The following ALDH8A1 variants were observed in gnomAD, a reference collection of about 807,000 sequenced individuals.
The protein encoded by ALDH8A1 is 2-aminomuconic semialdehyde dehydrogenase.
A neutral mutation model predicts 43.3 loss-of-function variants in ALDH8A1; 39 were observed. The observed-to-expected ratio is 0.90, with a 90% CI of 0.70 to 1.18. ALDH8A1 has a LOEUF of 1.18. Among genes scored for constraint, ALDH8A1 ranks in the 50% most tolerant of loss-of-function variants. The pLI, the probability that ALDH8A1 is intolerant of heterozygous loss-of-function variation, is 0.00. For missense variants in ALDH8A1, 605 were observed against 622.6 expected, an observed-to-expected ratio of 0.97 and a Z score of 0.30; for synonymous variants, 233 against 243.5, an observed-to-expected ratio of 0.96 and a Z score of 0.40.
Position 134,943,812 on chromosome 6 carries a change from C to T in ALDH8A1, c.286+7G>A. 6.2e-7 allele frequency: 1 copy of T among 1,613,700 alleles called. No homozygotes were observed. The highest frequency in any genetic ancestry group is 8.5e-7 in the Non-Finnish European group (1 of 1,179,820). ...GTCCCATGTTACAGTTAAGAGGCAA[C>T]TCTCACCTTGGTCTTTAGACTCGGC... On this transcript the variant is annotated splice_region_variant and intron_variant, in intron 2 of 6. Coordinates refer to ENST00000265605, the MANE Select transcript of ALDH8A1 (RefSeq NM_022568.4).
Position 134,918,587 on chromosome 6 carries a change from ACG to A in ALDH8A1, c.1290_1291del (p.Val431ProfsTer5). ...CTGCAGCTTCTTAGCCACCCGGTGGACGCGCCCCACATTGCTGGACCACACGG... is the reference window on the plus strand; with the variant it reads ...CTGCAGCTTCTTAGCCACCCGGTGGACGCCCCACATTGCTGGACCACACGG... On this transcript the variant is annotated frameshift_variant, in exon 7 of 7. Coordinates refer to ENST00000265605, the MANE Select transcript of ALDH8A1 (RefSeq NM_022568.4). LOFTEE classifies it high-confidence loss of function. 1 of 1,614,084 alleles carries A rather than the reference ACG, an allele frequency of 6.2e-7. No homozygotes were observed. The highest frequency in any genetic ancestry group is 8.5e-7 in the Non-Finnish European group (1 of 1,180,018).
intron 3 of ALDH8A1, among the ~76,000 whole-genome samples, chr6:134,940,552 T>C (rs1295600123): frequency 6.6e-6 from 1 of 152,192 alleles, no homozygotes; most frequent in Non-Finnish European, 1.5e-5. Flanking sequence ...TTTGGCTATT[T>C]AGAATATTTT....
At chr6:134,934,983 T>TC (rs1237109906) in intron 4 of ALDH8A1, among the ~76,000 whole-genome samples, 1 of 152,166 alleles carries the variant, frequency 6.6e-6, no homozygotes, top group Non-Finnish European at 1.5e-5. Flanking sequence ...TCATAAATAT[T>TC]CATGACTCCT....
intron 3 of ALDH8A1, among the ~76,000 whole-genome samples, chr6:134,940,598 C>T (rs1032432482): frequency 1.3e-5 from 2 of 152,136 alleles, no homozygotes; most frequent in Admixed American, 6.5e-5. Context: ...CACTTGTATC[C>T]TGACCAGATA....
At chr6:134,945,278 G>A (rs749543336) in intron 1 of ALDH8A1, among the ~76,000 whole-genome samples, 1 of 152,102 alleles carries the variant, frequency 6.6e-6, no homozygotes, top group Non-Finnish European at 1.5e-5. Context: ...CTAATAAGTG[G>A]CAGAATCAGG....
Position 134,950,067 on chromosome 6 carries a change from T to C in ALDH8A1, c.-14A>G. On this transcript the variant is annotated 5_prime_UTR_variant, in exon 1 of 7. Coordinates refer to ENST00000265605, the MANE Select transcript of ALDH8A1 (RefSeq NM_022568.4). Reference sequence around the variant, plus strand: ...TGTTCCAGCCATAGCAAGGAAAAATTCTGCCTTTCCTCTTTACGACTGAGC... The same window carrying C: ...TGTTCCAGCCATAGCAAGGAAAAATCCTGCCTTTCCTCTTTACGACTGAGC... 6.2e-7 allele frequency: 1 copy of C among 1,606,008 alleles called. No homozygotes were observed. Among genetic ancestry groups the C allele is most frequent in the Non-Finnish European group, 8.5e-7 (1 of 1,176,086 alleles).
At chr6:134,933,906 A>G (rs1773676861) in intron 4 of ALDH8A1, among the ~76,000 whole-genome samples, 1 of 152,050 alleles carries the variant, frequency 6.6e-6, no homozygotes, top group South Asian at 2.1e-4. Flanking sequence ...AGGGGATTTC[A>G]TCATGTTGGC....
At chr6:134,925,876 A>C (rs1776874136) in intron 6 of ALDH8A1, among the ~76,000 whole-genome samples, 1 of 152,222 alleles carries the variant, frequency 6.6e-6, no homozygotes, top group Non-Finnish European at 1.5e-5. Flanking sequence ...CCATGCGTGC[A>C]TCTGAAGGAA....
In ALDH8A1 at chr6:134,943,874, C is replaced by T. The variant is rs568113669; in HGVS notation, c.231G>A (p.Ala77=). ...CCTCCAGGGACTGCTCCAGCAAATC[C>T]GCCACCTGGTTCAGGACCCGTGAGC... ...QERSRVLNQV[A]DLLEQSLEEF... is the part of the protein sequence containing the mutation. Residue 77 remains alanine (A), a synonymous_variant, in exon 2 of 7, where the codon GCG becomes GCA. Coordinates refer to ENST00000265605, the MANE Select transcript of ALDH8A1 (RefSeq NM_022568.4). 83 of 1,614,094 alleles carry T rather than the reference C, an allele frequency of 5.1e-5. No homozygotes were observed. The highest frequency in any genetic ancestry group is 1.6e-4 in the Middle Eastern group (1 of 6,084).
At chr6:134,921,408 T>C (rs987455396) in intron 6 of ALDH8A1, among the ~76,000 whole-genome samples, 1 of 151,990 alleles carries the variant, frequency 6.6e-6, no homozygotes, top group Non-Finnish European at 1.5e-5. Context: ...ACTCAGCAGG[T>C]AGAAAGAAAA....
chr6:134,940,531 G>C (rs774589804), intron 3 of ALDH8A1, among the ~76,000 whole-genome samples: 2 of 152,168 alleles, frequency 1.3e-5, no homozygotes, highest in Non-Finnish European at 2.9e-5. Flanking sequence ...TGCATGGACT[G>C]TGACATCCAT....
intron 6 of ALDH8A1, among the ~76,000 whole-genome samples, chr6:134,923,194 AT>A (rs1395132920): frequency 1.3e-5 from 2 of 152,022 alleles, no homozygotes; most frequent in Non-Finnish European, 2.9e-5. Flanking sequence ...GCCTGGCTAA[AT>A]TTTTTTGTAT....
intron 2 of ALDH8A1, 122 bp from the exon 3 acceptor site, chr6:134,942,686 G>T: frequency 1.0e-6 from 1 of 964,756 alleles, no homozygotes; most frequent in Non-Finnish European, 1.5e-6. Flanking sequence ...GCCCGGGGCA[G>T]GCATTCCTTG....
In ALDH8A1 at chr6:134,918,765, A is replaced by G; in HGVS notation, c.1114T>C (p.Phe372Leu). The stretch of plus-strand genomic sequence containing the variant: ...TCTGTTATCACCGTGGGAAGCATAA[A>G]GTAGCCTGCCTGGTTCCTGGCAGGG... ...SLPARNQAGY[F>L]MLPTVITDIK... The change falls in exon 7 of 7, where the codon TTT becomes CTT. Residue 372 changes from phenylalanine to leucine, a missense_variant. Transcript: ENST00000265605. 6.2e-7 allele frequency: 1 copy of G among 1,614,204 alleles called. No homozygotes were observed. Among genetic ancestry groups the G allele is most frequent in the Non-Finnish European group, 8.5e-7 (1 of 1,180,026 alleles).
In ALDH8A1 at chr6:134,950,083, A is replaced by G. The variant is rs2114717546; in HGVS notation, c.-30T>C. 6.3e-7 allele frequency: 1 copy of G among 1,581,132 alleles called. No homozygotes were observed. The highest frequency in any genetic ancestry group is 2.3e-5 in the East Asian group (1 of 44,190). On this transcript the variant is annotated 5_prime_UTR_variant, in exon 1 of 7. Coordinates refer to ENST00000265605, the MANE Select transcript of ALDH8A1 (RefSeq NM_022568.4). The stretch of plus-strand genomic sequence containing the variant: ...AGGAAAAATTCTGCCTTTCCTCTTT[A>G]CGACTGAGCACTCAGGTTGTCCCCA...
At chr6:134,933,483 A>T (rs1773664749) in intron 4 of ALDH8A1, among the ~76,000 whole-genome samples, 1 of 152,058 alleles carries the variant, frequency 6.6e-6, no homozygotes, top group African/African-American at 2.4e-5. Context: ...CAAAGAAGAG[A>T]TTGACTATCT....
chr6:134,948,875 G>A (rs1773997515), intron 1 of ALDH8A1, among the ~76,000 whole-genome samples: 1 of 152,176 alleles, frequency 6.6e-6, no homozygotes, highest in Admixed American at 6.5e-5. Context: ...GGCAAACAAG[G>A]AAGAGTGGAA....
At chr6:134,927,576 T>A (rs942805887) in intron 6 of ALDH8A1, among the ~76,000 whole-genome samples, 1 of 152,212 alleles carries the variant, frequency 6.6e-6, no homozygotes, top group Admixed American at 6.5e-5. Context: ...AATACTTTTA[T>A]TTGTTTCACT....
intron 3 of ALDH8A1, among the ~76,000 whole-genome samples, chr6:134,941,621 C>T (rs1773856186): frequency 6.6e-6 from 1 of 152,212 alleles, no homozygotes; most frequent in African/African-American, 2.4e-5. Flanking sequence ...AACTCCTGAC[C>T]TCAGGCGATC....
Sources: allele counts gnomAD v4.1 joint callset (sites outside exome capture counted in the v4.1 genomes callset), GRCh38; gene constraint gnomAD v4.1.1; transcripts MANE v1.5; gene names NCBI Gene and HGNC (gene_info 2026-07-23, HGNC 2026-07-21).